The following TENM3 variants were observed in gnomAD, a reference collection of about 807,000 sequenced individuals.
TENM3 encodes the protein teneurin-3.
Under a neutral mutation model 255.1 loss-of-function variants are expected in TENM3, and 63 were observed. The observed-to-expected ratio is 0.25, with a 90% CI of 0.20 to 0.30. The LOEUF (loss-of-function observed/expected upper bound fraction) is 0.30. TENM3 is among the 10% of genes least tolerant of loss of function. The pLI is 1.00. For synonymous variants in TENM3, 1,306 were observed against 1,322.3 expected (o/e 0.99, Z 0.27); for missense variants, 2,929 against 3,461.1 (o/e 0.85, Z 3.86).
At chr4:182,473,209 AG>A (rs1185274277) in intron 3 of TENM3, among the ~76,000 whole-genome samples, 10 of 152,184 alleles carry the variant, frequency 6.6e-5, no homozygotes, top group African/African-American at 2.4e-4. Context: ...CAACAAATGC[AG>A]CCATATATAT....
chr4:181,693,452 G>A, the TENM3 span, among the ~76,000 whole-genome samples: 1 of 152,180 alleles, frequency 6.6e-6, no homozygotes, highest in Non-Finnish European at 1.5e-5. Flanking sequence ...AGATGGCCCT[G>A]AGTGCCTGGT....
chr4:181,841,801 A>G, the TENM3 span, among the ~76,000 whole-genome samples: 21 of 152,278 alleles, frequency 1.4e-4, no homozygotes, highest in African/African-American at 4.8e-4. Context: ...ACATCAATGT[A>G]TCAATTAACT....
the TENM3 span, among the ~76,000 whole-genome samples, chr4:181,818,484 C>A: frequency 2.6e-5 from 4 of 152,192 alleles, no homozygotes; most frequent in African/African-American, 9.6e-5. Context: ...TTGCCACATA[C>A]ACCAGCTCCT....
At chr4:182,177,342 A>G (rs1358509538) in intron 1 of TENM3, among the ~76,000 whole-genome samples, 11 of 152,006 alleles carry the variant, frequency 7.2e-5, no homozygotes, top group Admixed American at 6.6e-4. Context: ...AAAATATCTT[A>G]CACATTCTTC....
In TENM3 at chr4:182,544,323, ATTTTT is replaced by A. The variant is rs35639483; in HGVS notation, c.512-56579_512-56575del. On this transcript the variant is annotated intron_variant, in intron 3 of 27. Coordinates refer to ENST00000511685, the MANE Select transcript of TENM3 (RefSeq NM_001080477.4). Reference sequence around the variant, plus strand: ...AGCTCCCTCCAGCACAGCATTGTGGATTTTTTTTTTTTTTTTTTTTTTTTTTGAGA... The same window carrying A: ...AGCTCCCTCCAGCACAGCATTGTGGATTTTTTTTTTTTTTTTTTTTTGAGA... Among the ~76,000 whole-genome samples the A allele has an allele frequency of 1.2e-4, 8 of 69,286 alleles. No individual in the cohort carries two copies. In the Admixed American group the frequency reaches 1.6e-3, roughly 14 times the overall value. The allele number at this position is 69,286 out of a possible 152,430, so 45.5% of individuals were successfully genotyped here.
At chr4:181,984,018 C>G in the TENM3 span, among the ~76,000 whole-genome samples, 1 of 152,012 alleles carries the variant, frequency 6.6e-6, no homozygotes, top group African/African-American at 2.4e-5. Flanking sequence ...TGCAATTCTG[C>G]CCTCTTAGTG....
chr4:181,960,685 T>C, the TENM3 span, among the ~76,000 whole-genome samples: 1 of 152,158 alleles, frequency 6.6e-6, no homozygotes. Flanking sequence ...TCCCAACATC[T>C]ATAATTTTGT....
At chr4:182,280,158 T>C (rs1379360956) in intron 1 of TENM3, among the ~76,000 whole-genome samples, 1 of 152,206 alleles carries the variant, frequency 6.6e-6, no homozygotes, top group Non-Finnish European at 1.5e-5. Flanking sequence ...GTCCTTTAAA[T>C]GACCATTCAG....
chr4:182,395,104 A>G (rs1379549233), intron 3 of TENM3, among the ~76,000 whole-genome samples: 1 of 152,212 alleles, frequency 6.6e-6, no homozygotes, highest in Non-Finnish European at 1.5e-5. Context: ...GCCAAAGATA[A>G]TCGTGCTGAT....
intron 1 of TENM3, among the ~76,000 whole-genome samples, chr4:182,307,477 G>C (rs1377655231): frequency 6.6e-6 from 1 of 152,164 alleles, no homozygotes; most frequent in Non-Finnish European, 1.5e-5. Flanking sequence ...TGGAAATGTA[G>C]AGTAGCACTC....
At chr4:181,480,768 T>A in the TENM3 span, among the ~76,000 whole-genome samples, 1 of 149,570 alleles carries the variant, frequency 6.7e-6, no homozygotes, top group Non-Finnish European at 1.5e-5. Flanking sequence ...TATATAGCTA[T>A]ATATAGATAT....
intron 3 of TENM3, among the ~76,000 whole-genome samples, chr4:182,448,263 C>T (rs889793858): frequency 6.6e-6 from 1 of 152,222 alleles, no homozygotes; most frequent in Non-Finnish European, 1.5e-5. Flanking sequence ...GAGGCGGTGG[C>T]CGAGGCCCAG....
At chr4:182,661,099 C>G (rs897808988) in intron 6 of TENM3, among the ~76,000 whole-genome samples, 1 of 151,016 alleles carries the variant, frequency 6.6e-6, no homozygotes, top group Non-Finnish European at 1.5e-5. Context: ...TGTATGGATA[C>G]GAGTTGAAAA....
intron 3 of TENM3, among the ~76,000 whole-genome samples, chr4:182,497,701 T>C (rs944030877): frequency 8.5e-5 from 13 of 152,054 alleles, no homozygotes; most frequent in Admixed American, 7.9e-4. Context: ...TACAATTAGA[T>C]ACAGTTACCA....
intron 1 of TENM3, among the ~76,000 whole-genome samples, chr4:182,245,201 C>G (rs1757561973): frequency 6.6e-6 from 1 of 152,156 alleles, no homozygotes; most frequent in African/African-American, 2.4e-5. Flanking sequence ...AATCCATGGG[C>G]TTTGTTTCCC....
the TENM3 span, among the ~76,000 whole-genome samples, chr4:181,684,735 G>C: frequency 6.6e-6 from 1 of 151,922 alleles, no homozygotes; most frequent in African/African-American, 2.4e-5. Context: ...ACTTACATTA[G>C]TGTCTGTTTT....
the TENM3 span, among the ~76,000 whole-genome samples, chr4:182,114,995 A>G: frequency 6.6e-6 from 1 of 152,088 alleles, no homozygotes; most frequent in East Asian, 1.9e-4. Flanking sequence ...CAGCCTGGCC[A>G]ACATGGTGAA....
chr4:181,857,576 C>A, the TENM3 span, among the ~76,000 whole-genome samples: 5,159 of 34,484 alleles, frequency 0.15, 134 homozygotes, highest in African/African-American at 0.2. Context: ...AAAAAAAAAA[C>A]AAAACAAAAC....
chr4:181,851,465 T>C, the TENM3 span, among the ~76,000 whole-genome samples: 1 of 152,156 alleles, frequency 6.6e-6, no homozygotes, highest in Non-Finnish European at 1.5e-5. Flanking sequence ...CAGGGTTGTG[T>C]CATTTCAAAT....
Sources: gnomAD v4.1 joint callset for allele counts (sites outside exome capture counted in the v4.1 genomes callset) on GRCh38, gnomAD v4.1.1 for gene constraint, MANE v1.5 for transcripts, NCBI Gene and HGNC (gene_info 2026-07-23, HGNC 2026-07-21) for gene names.